Variants in ZNF664 observed in about 807,000 individuals in gnomAD.
ZNF664 encodes zinc finger protein 664.
In ZNF664, 10 loss-of-function variants were observed where a neutral mutation model predicts 18.2. That is an observed-to-expected ratio of 0.55 (90% confidence interval 0.34 to 0.93). ZNF664 has a LOEUF of 0.93. ZNF664 is among the 40% of genes least tolerant of loss of function. The pLI, the probability that ZNF664 is intolerant of heterozygous loss-of-function variation, is 0.02. For synonymous variants in ZNF664, 119 were observed against 104.2 expected (o/e 1.14, Z -0.86); for missense variants, 193 against 319.0 (o/e 0.61, Z 3.01).
In ZNF664 at chr12:124,014,213, A is replaced by C. The variant is rs1400928645; in HGVS notation, c.*1283A>C. On this transcript the variant is annotated 3_prime_UTR_variant, in exon 5 of 5. Coordinates refer to ENST00000337815, the MANE Select transcript of ZNF664 (RefSeq NM_152437.3). ...GGTGGGGTGACATTAGCTAGTGGTC[A>C]GGGAGGCCTTTCCGCGGTGGGATGT... The C allele has an allele frequency of 1.8e-5, 3 of 167,090 alleles. No homozygotes were observed. Among genetic ancestry groups the C allele is most frequent in the Non-Finnish European group, 4.4e-5 (3 of 68,182 alleles). The allele number at this position is 167,090 out of a possible 1,614,324, so 10.4% of individuals were successfully genotyped here.
intron 3 of ZNF664, chr12:123,998,385 A>G (rs549612986): frequency 2.6e-5 from 4 of 152,274 alleles, no homozygotes; most frequent in African/African-American, 9.6e-5. Context: ...TGTAATGTTT[A>G]TATTTTTTCA....
intron 2 of ZNF664, among the ~76,000 whole-genome samples, chr12:123,975,284 A>G (rs1316541699): frequency 6.6e-6 from 1 of 152,208 alleles, no homozygotes; most frequent in Non-Finnish European, 1.5e-5. Context: ...ACAGAGCACT[A>G]CAGATAGTCA....
chr12:123,992,526 C>T (rs550616271), intron 3 of ZNF664, among the ~76,000 whole-genome samples: 8 of 152,134 alleles, frequency 5.3e-5, no homozygotes, highest in Non-Finnish European at 1.2e-4. Flanking sequence ...ACTTCAGAAC[C>T]CTTGGGGAAG....
intron 2 of ZNF664, among the ~76,000 whole-genome samples, chr12:123,975,921 TA>T (rs1178239397): frequency 6.6e-6 from 1 of 152,232 alleles, no homozygotes; most frequent in African/African-American, 2.4e-5. Flanking sequence ...GGATTGTTAC[TA>T]AATTTGCAGG....
At chr12:123,996,447 A>C (rs1289938569) in intron 3 of ZNF664, among the ~76,000 whole-genome samples, 2 of 152,140 alleles carry the variant, frequency 1.3e-5, no homozygotes, top group African/African-American at 4.8e-5. Flanking sequence ...ATGCATAACA[A>C]TTCAAGATTT....
At chr12:124,011,246 C>CT in intron 3 of ZNF664, 135 bp from the exon 4 acceptor site, 2 of 974,650 alleles carry the variant, frequency 2.1e-6, no homozygotes, top group Non-Finnish European at 1.2e-6. Context: ...ACATGTAGGT[C>CT]TTTTTGAGGA....
intron 3 of ZNF664, among the ~76,000 whole-genome samples, chr12:124,008,344 C>T (rs182031111): frequency 1.3e-5 from 2 of 152,270 alleles, no homozygotes; most frequent in Admixed American, 1.3e-4. Context: ...TCCCATTGCA[C>T]CACAGCAGGA....
intron 2 of ZNF664, among the ~76,000 whole-genome samples, chr12:123,982,800 G>C (rs1956781551): frequency 6.6e-6 from 1 of 152,194 alleles, no homozygotes; most frequent in Admixed American, 6.5e-5. Flanking sequence ...GCCTAGAGAT[G>C]TAATAAAGGG....
rs546070509 is a variant in ZNF664, at chr12:124,004,614, C to CGGT, written c.-660-6767_-660-6766insGGT. 2.5e-3 allele frequency among the ~76,000 whole-genome samples: 375 copies of CGGT among 152,290 alleles called. 1 individual carries two copies. Among genetic ancestry groups the CGGT allele is most frequent in the Non-Finnish European group, 4.4e-3 (298 of 68,022 alleles). On this transcript the variant is annotated intron_variant, in intron 3 of 4. Transcript: ENST00000337815. ...CAACCTGTGGGCCACAGATGGGTACCAGTCCATGGCCTGTTAGGAACCAAG... is the reference window on the plus strand; with the variant it reads ...CAACCTGTGGGCCACAGATGGGTACCGGTAGTCCATGGCCTGTTAGGAACCAAG...
intron 3 of ZNF664, among the ~76,000 whole-genome samples, chr12:123,994,304 C>CT (rs1311566556): frequency 1.3e-5 from 2 of 152,098 alleles, no homozygotes; most frequent in Admixed American, 1.3e-4. Flanking sequence ...CTCCAGAGAA[C>CT]TTTAAGTTTA....
At chr12:123,981,022 C>A (rs1052557508) in intron 2 of ZNF664, among the ~76,000 whole-genome samples, 5 of 151,928 alleles carry the variant, frequency 3.3e-5, no homozygotes, top group Non-Finnish European at 7.4e-5. Flanking sequence ...AGGGTAAGAA[C>A]AATCCATTTT....
intron 2 of ZNF664, among the ~76,000 whole-genome samples, chr12:123,976,801 T>C (rs1488967443): frequency 6.6e-6 from 1 of 151,270 alleles, no homozygotes; most frequent in Non-Finnish European, 1.5e-5. Context: ...AAAAAAAAGA[T>C]CCTGGCCATG....
intron 3 of ZNF664, among the ~76,000 whole-genome samples, chr12:124,007,879 G>A (rs1000491757): frequency 1.3e-5 from 2 of 152,078 alleles, no homozygotes; most frequent in Admixed American, 6.5e-5. Context: ...AGTCACACAT[G>A]TCAGACGACA....
chr12:124,009,324 T>G (rs1957108616), intron 3 of ZNF664, among the ~76,000 whole-genome samples: 1 of 152,168 alleles, frequency 6.6e-6, no homozygotes, highest in African/African-American at 2.4e-5. Context: ...TTTATTCTCT[T>G]TATTTTGTTT....
intron 2 of ZNF664, among the ~76,000 whole-genome samples, chr12:123,983,738 T>C (rs917324899): frequency 6.6e-6 from 1 of 152,194 alleles, no homozygotes. Context: ...TTGAGCCTGA[T>C]GGGGGTTTAA....
At chr12:124,004,764 T>C (rs1440992349) in intron 3 of ZNF664, 1 of 152,324 alleles carries the variant, frequency 6.6e-6, no homozygotes, top group African/African-American at 2.4e-5. Context: ...CGGCATTAGA[T>C]TCTCGTAGGG....
intron 2 of ZNF664, among the ~76,000 whole-genome samples, chr12:123,975,257 T>A (rs1956674720): frequency 6.6e-6 from 1 of 152,210 alleles, no homozygotes; most frequent in South Asian, 2.1e-4. Flanking sequence ...TTTGACCAGA[T>A]GTGTGTGTAT....
chr12:123,990,270 TTTATG>T (rs1195975396), intron 3 of ZNF664, among the ~76,000 whole-genome samples: 3 of 152,178 alleles, frequency 2.0e-5, no homozygotes, highest in Non-Finnish European at 4.4e-5. Flanking sequence ...GATGGTAGAT[TTTATG>T]TTATGTGTTT....
At chr12:123,977,003 C>T (rs1442505571) in intron 2 of ZNF664, among the ~76,000 whole-genome samples, 1 of 152,080 alleles carries the variant, frequency 6.6e-6, no homozygotes, top group Non-Finnish European at 1.5e-5. Context: ...TGGCGTGAAC[C>T]CGGGAGGTGG....
Sources: allele counts gnomAD v4.1 joint callset (sites outside exome capture counted in the v4.1 genomes callset), GRCh38; gene constraint gnomAD v4.1.1; transcripts MANE v1.5; gene names NCBI Gene and HGNC (gene_info 2026-07-23, HGNC 2026-07-21).